CAPN14: variants seen among roughly 807,000 people sequenced by gnomAD.
CAPN14 encodes calpain 14, also known as calpain-14.
A neutral mutation model predicts 101.3 loss-of-function variants in CAPN14; 94 were observed. The observed-to-expected ratio is 0.93, with a 90% CI of 0.79 to 1.10. CAPN14 has a LOEUF of 1.10. Among genes scored for constraint, CAPN14 ranks in the 50% least tolerant of loss-of-function variants. The pLI is 0.00. For synonymous variants in CAPN14, 338 were observed against 317.9 expected (o/e 1.06, Z -0.67); for missense variants, 837 against 828.4 (o/e 1.01, Z -0.13).
intron 16 of CAPN14, among the ~76,000 whole-genome samples, chr2:31,184,296 T>C (rs1044133416): frequency 2.2e-5 from 3 of 136,192 alleles, no homozygotes; most frequent in Non-Finnish European, 3.0e-5. Context: ...GAACCTCCTA[T>C]AATAGTGGCT....
At chr2:31,176,284 G>A (rs528460863) in intron 21 of CAPN14, among the ~76,000 whole-genome samples, 4 of 152,310 alleles carry the variant, frequency 2.6e-5, no homozygotes, top group South Asian at 2.1e-4. Context: ...CATGTGACTC[G>A]GAAGCTAAAT....
intron 2 of CAPN14, 30 bp from the exon 3 acceptor site, chr2:31,203,169 G>A (rs1262516278): frequency 1.3e-6 from 2 of 1,543,820 alleles, no homozygotes; most frequent in South Asian, 2.4e-5. Context: ...TTGTCATTCT[G>A]ACCTAGAACA....
At chr2:31,226,311 C>T (rs1398328714) in intron 2 of CAPN14, among the ~76,000 whole-genome samples, 1 of 152,144 alleles carries the variant, frequency 6.6e-6, no homozygotes, top group Non-Finnish European at 1.5e-5. Flanking sequence ...TTTTTGTAGT[C>T]ATAGACTTAT....
At chr2:31,231,488 G>T (rs531961564) in intron 1 of CAPN14, among the ~76,000 whole-genome samples, 20 of 152,148 alleles carry the variant, frequency 1.3e-4, no homozygotes, top group African/African-American at 4.8e-4. Flanking sequence ...TTGTTCTTTT[G>T]AACACAGTAT....
upstream of CAPN14, among the ~76,000 whole-genome samples, chr2:31,217,890 T>A (rs903258581): frequency 7.9e-5 from 12 of 152,108 alleles, no homozygotes; most frequent in African/African-American, 2.7e-4. Flanking sequence ...TTCCTGTACA[T>A]CCCTATGTTT....
At chr2:31,206,727 T>C (rs189918550) in intron 1 of CAPN14, among the ~76,000 whole-genome samples, 1 of 152,218 alleles carries the variant, frequency 6.6e-6, no homozygotes, top group African/African-American at 2.4e-5. Context: ...GCTACAAAAC[T>C]TGATTTCCTG....
At chr2:31,192,127 G>A in intron 10 of CAPN14, 29 bp from the exon 11 acceptor site, 1 of 1,517,930 alleles carries the variant, frequency 6.6e-7, no homozygotes, top group East Asian at 2.5e-5. Context: ...AGGTGAGAAT[G>A]GGCCCCGGAT....
At chr2:31,177,977 C>T (rs1265454816) in intron 18 of CAPN14, among the ~76,000 whole-genome samples, 156 bp from the exon 19 acceptor site, 1 of 152,216 alleles carries the variant, frequency 6.6e-6, no homozygotes. Context: ...ATGGCAGAGT[C>T]CATGCTGGGA....
At chr2:31,232,794 G>T (rs902183870) in intron 1 of CAPN14, among the ~76,000 whole-genome samples, 7 of 152,166 alleles carry the variant, frequency 4.6e-5, no homozygotes, top group African/African-American at 1.7e-4. Context: ...GGGACACAAA[G>T]CAAAACCATA....
chr2:31,197,327 C>G lies in CAPN14; in HGVS notation c.797G>C (p.Cys266Ser), dbSNP rs1451185441. 1.3e-6 allele frequency: 2 copies of G among 1,549,748 alleles called. No homozygotes were observed. ...GACGAGATATTCAGGTCTATGTTTGCAGGTCACCTGCATAAAATGAGAGGC... is the reference window on the plus strand; with the variant it reads ...GACGAGATATTCAGGTCTATGTTTGGAGGTCACCTGCATAAAATGAGAGGC... The part of the protein sequence containing the change: ...YTLTGIRKVT[C>S]KHRPEYLVKL... The change falls in exon 8 of 22, where the codon TGC (cysteine) becomes TCC (serine). Residue 266 changes from cysteine (C) to serine (S), a missense_variant. Physicochemically the swap from Cys to Ser is moderately radical, Grantham distance 112. Coordinates refer to ENST00000403897, the MANE Select transcript of CAPN14 (RefSeq NM_001145122.2).
chr2:31,174,835 T>A, intron 21 of CAPN14, 128 bp from the exon 22 acceptor site: 1 of 811,596 alleles, frequency 1.2e-6, no homozygotes, highest in Non-Finnish European at 2.0e-6. Flanking sequence ...AGGGAGCATA[T>A]CATCCATTAG....
At chr2:31,175,196 T>C (rs1282683723) in intron 21 of CAPN14, among the ~76,000 whole-genome samples, 1 of 152,152 alleles carries the variant, frequency 6.6e-6, no homozygotes, top group African/African-American at 2.4e-5. Flanking sequence ...TTACCAATGG[T>C]GTCAGAGAAA....
Position 31,174,581 on chromosome 2 carries a change from G to T in CAPN14, c.*100C>A. 7.7e-7 allele frequency: 1 copy of T among 1,291,672 alleles called. No homozygotes were observed. The highest frequency in any genetic ancestry group is 2.3e-4 in the Middle Eastern group (1 of 4,262). 80.0% of individuals were successfully genotyped at this position (1,291,672 alleles called of 1,614,324 possible). ...AGGTGACGGCTAGTGAGGCTGTCCT[G>T]AAGATCAGTAAGTAGGGTGGGCATG... On this transcript the variant is annotated 3_prime_UTR_variant, in exon 22 of 22. Transcript: ENST00000403897.
intron 16 of CAPN14, among the ~76,000 whole-genome samples, chr2:31,184,289 C>T (rs1660527483): frequency 6.8e-6 from 1 of 146,208 alleles, no homozygotes; most frequent in Non-Finnish European, 1.5e-5. Context: ...TCCAAAGGAA[C>T]CTCCTATAAT....
rs995214954 is a variant in CAPN14 at position 31,191,333 on chromosome 2, T to C, written c.1287+66A>G. On this transcript the variant is annotated intron_variant, in intron 12 of 21. Coordinates refer to ENST00000403897, the MANE Select transcript of CAPN14 (RefSeq NM_001145122.2). Reference sequence around the variant, plus strand: ...AGCCTGCTCCAGTCTAACTAAATCCTGTGGAGGCTTGGCCACATGTGATGT... The same window carrying C: ...AGCCTGCTCCAGTCTAACTAAATCCCGTGGAGGCTTGGCCACATGTGATGT... 8.2e-6 allele frequency: 12 copies of C among 1,465,032 alleles called. No individual in the cohort carries two copies. The African/African-American group carries it at 1.7e-4, about 21-fold the overall frequency. 90.8% of individuals were successfully genotyped at this position (1,465,032 alleles called of 1,614,324 possible). A position where few individuals can be genotyped will look rare whatever the true frequency, so the allele number is the denominator to read the frequency against.
chr2:31,177,927 C>T lies in CAPN14; in HGVS notation c.1780-106G>A, dbSNP rs959812896. 5.1e-6 allele frequency: 4 copies of T among 780,884 alleles called. No individual in the cohort carries two copies. The Admixed American group carries it at 8.3e-5, about 16-fold the overall frequency. 48.4% of individuals were successfully genotyped at this position (780,884 alleles called of 1,614,324 possible). On this transcript the variant is annotated intron_variant, in intron 18 of 21. Transcript: ENST00000403897. Reference sequence around the variant, plus strand: ...ACCGCAGAGGGGCTGTTGAAGATATCTGAGGCTCCACATGCAGGGCCTGTT... The same window carrying T: ...ACCGCAGAGGGGCTGTTGAAGATATTTGAGGCTCCACATGCAGGGCCTGTT...
intron 21 of CAPN14, 29 bp from the exon 22 acceptor site, chr2:31,174,736 T>A (rs1261524058): frequency 1.9e-6 from 3 of 1,551,370 alleles, no homozygotes; most frequent in Non-Finnish European, 1.7e-6. Flanking sequence ...CAAATGATGG[T>A]CAGTTCAGAC....
intron 1 of CAPN14, among the ~76,000 whole-genome samples, chr2:31,229,237 T>G (rs1175598413): frequency 6.6e-6 from 1 of 152,140 alleles, no homozygotes; most frequent in Non-Finnish European, 1.5e-5. Flanking sequence ...TAAGTAGATG[T>G]AAATTGCTGC....
At chr2:31,199,258 C>T (rs572726491) in intron 7 of CAPN14, among the ~76,000 whole-genome samples, 2 of 152,254 alleles carry the variant, frequency 1.3e-5, no homozygotes, top group East Asian at 3.9e-4. Context: ...CTGAGGGCTG[C>T]CCCAGGGGAT....
Sources: allele counts gnomAD v4.1 joint callset (sites outside exome capture counted in the v4.1 genomes callset), GRCh38; gene constraint gnomAD v4.1.1; transcripts MANE v1.5; gene names NCBI Gene and HGNC (gene_info 2026-07-23, HGNC 2026-07-21).